Variants in GRIA3 observed in about 807,000 individuals in gnomAD.
GRIA3 encodes glutamate ionotropic receptor AMPA type subunit 3.
A neutral mutation model predicts 63.0 loss-of-function variants in GRIA3; 3 were observed. That is an observed-to-expected ratio of 0.05 (90% CI 0.02 to 0.12). GRIA3 has a LOEUF of 0.12. Ranked by LOEUF, GRIA3 falls within the 10% of genes least tolerant of loss-of-function variation. GRIA3 has a pLI of 1.00. For missense variants in GRIA3, 347 were observed against 700.9 expected, an observed-to-expected ratio of 0.50 and a Z score of 5.70; for synonymous variants, 274 against 257.9, an observed-to-expected ratio of 1.06 and a Z score of -0.60.
At chrX:123,230,711 C>T (rs2044271613) in intron 2 of GRIA3, among the ~76,000 whole-genome samples, 1 of 111,839 alleles carries the variant, frequency 8.9e-6, no homozygotes, top group Non-Finnish European at 1.9e-5. Flanking sequence ...ATTTTGAACA[C>T]CTACTCTGAA....
At chrX:123,374,176 T>C (rs1304172801) in intron 5 of GRIA3, among the ~76,000 whole-genome samples, 17 of 111,473 alleles carry the variant, frequency 1.5e-4, no homozygotes, top group Non-Finnish European at 3.0e-4. Context: ...AGATGTGTGG[T>C]GTTACTTCTG....
chrX:123,448,102 G>A (rs1014281470), intron 12 of GRIA3, among the ~76,000 whole-genome samples: 3 of 112,112 alleles, frequency 2.7e-5, no homozygotes, highest in African/African-American at 9.7e-5. Flanking sequence ...TCTTCTATCT[G>A]CTCTTTTTGA....
intron 5 of GRIA3, among the ~76,000 whole-genome samples, chrX:123,389,414 G>C (rs1237353587): frequency 9.0e-6 from 1 of 111,601 alleles, no homozygotes; most frequent in African/African-American, 3.3e-5. Context: ...TATATGTTTA[G>C]AATTGCTATA....
At chrX:123,357,409 T>C (rs16997329) in intron 5 of GRIA3, among the ~76,000 whole-genome samples, 3,341 of 108,277 alleles carry the variant, frequency 0.031, 144 homozygotes, top group African/African-American at 0.11. Context: ...GGTCTCCTTA[T>C]TTCTACTGAC....
intron 3 of GRIA3, among the ~76,000 whole-genome samples, chrX:123,303,929 A>AG (rs775389031): frequency 9.0e-4 from 99 of 110,381 alleles, no homozygotes; most frequent in Non-Finnish European, 1.5e-3. Flanking sequence ...TAGAGATTTT[A>AG]GGAAAAAAAA....
intron 5 of GRIA3, among the ~76,000 whole-genome samples, chrX:123,382,343 C>T (rs1440217527): frequency 1.8e-5 from 2 of 111,283 alleles, no homozygotes; most frequent in Admixed American, 9.6e-5. Flanking sequence ...ATGACCTCCC[C>T]CTGGTTTAAT....
chrX:123,440,043 G>A (rs1425289600), intron 12 of GRIA3, among the ~76,000 whole-genome samples: 1 of 111,767 alleles, frequency 8.9e-6, no homozygotes, highest in African/African-American at 3.3e-5. Context: ...GGGAACACAT[G>A]GTATGTGGTT....
At chrX:123,185,045 C>T (rs1927221229) in intron 1 of GRIA3, 1 of 330,852 alleles carries the variant, frequency 3.0e-6, no homozygotes, top group Admixed American at 3.1e-5. Context: ...TGCCGACTGT[C>T]TGGCCGCGCC....
intron 2 of GRIA3, among the ~76,000 whole-genome samples, chrX:123,207,110 C>G (rs1421711335): frequency 9.1e-6 from 1 of 109,355 alleles, no homozygotes; most frequent in Non-Finnish European, 1.9e-5. Context: ...GACGAAGGGA[C>G]CACGGTGATG....
At chrX:123,297,487 A>G (rs777456109) in intron 3 of GRIA3, among the ~76,000 whole-genome samples, 1 of 112,158 alleles carries the variant, frequency 8.9e-6, no homozygotes, top group South Asian at 3.6e-4. Context: ...ATAATTTACT[A>G]ATCAGTACTT....
At position 123,403,483 on chromosome X, in the gene GRIA3, C is replaced by T; in HGVS notation, c.1257C>T (p.Ser419=). ...AGCAAATCAGCAATGACAGTGCATCCTCAGAGAATCGGACCATAGTAGTGA... is the reference window on the plus strand; with the variant it reads ...AGCAAATCAGCAATGACAGTGCATCTTCAGAGAATCGGACCATAGTAGTGA... ...SDQQISNDSA[S]SENRTIVVTT... The change falls in exon 9 of 16, where the codon TCC becomes TCT. Residue 419 remains serine, a synonymous_variant. Transcript: ENST00000620443. The T allele has an allele frequency of 8.5e-7, 1 of 1,182,676 alleles. No individual in the cohort carries two copies. Among genetic ancestry groups the T allele is most frequent in the African/African-American group, 1.7e-5 (1 of 57,227 alleles).
At position 123,404,794 on chromosome X, in the gene GRIA3, T is replaced by C. The variant is rs1319710681; in HGVS notation, c.1380T>C (p.Tyr460=). Residue 460 remains tyrosine, a synonymous_variant, in exon 10 of 16, where the codon TAT becomes TAC. Transcript: ENST00000620443. ...RYEGYCVDLA[Y]EIAKHVRIKY... ...AAGGCTATTGTGTAGACCTAGCCTA[T>C]GAAATAGCCAAACATGTAAGGATCA... is the stretch of plus-strand genomic sequence containing the variant. The C allele has an allele frequency of 3.3e-6, 4 of 1,197,628 alleles. No homozygotes were observed. The African/African-American group carries it at 7.0e-5, about 21-fold the overall frequency.
intron 3 of GRIA3, among the ~76,000 whole-genome samples, chrX:123,309,747 C>T (rs759896251): frequency 6.7e-4 from 75 of 111,854 alleles, no homozygotes; most frequent in Admixed American, 2.6e-3. Flanking sequence ...GGGCCCCACA[C>T]CTACATTTCC....
chrX:123,223,595 G>A (rs918483567), intron 2 of GRIA3, among the ~76,000 whole-genome samples: 7 of 111,983 alleles, frequency 6.3e-5, no homozygotes, highest in African/African-American at 1.9e-4. Flanking sequence ...TCTGAAGAAC[G>A]GTGTGAACAT....
chrX:123,280,056 T>C (rs971702196), intron 3 of GRIA3, among the ~76,000 whole-genome samples: 2 of 112,171 alleles, frequency 1.8e-5, no homozygotes, highest in African/African-American at 6.5e-5. Flanking sequence ...AACTGAAAGT[T>C]TGAAGGATTG....
intron 15 of GRIA3, among the ~76,000 whole-genome samples, chrX:123,486,541 G>C (rs1263508799): frequency 8.9e-6 from 1 of 112,158 alleles, no homozygotes; most frequent in East Asian, 2.8e-4. Context: ...AGAAGCAAAA[G>C]CCTCATACGA....
At chrX:123,218,866 T>C (rs971880059) in intron 2 of GRIA3, among the ~76,000 whole-genome samples, 1 of 112,202 alleles carries the variant, frequency 8.9e-6, no homozygotes, top group African/African-American at 3.2e-5. Context: ...AGTTGTCTGC[T>C]TTCCAAAGTG....
At chrX:123,482,519 G>A (rs993950835) in intron 14 of GRIA3, among the ~76,000 whole-genome samples, 2 of 111,830 alleles carry the variant, frequency 1.8e-5, no homozygotes, top group Non-Finnish European at 3.8e-5. Flanking sequence ...GCCAAGTGCT[G>A]TTTTATTAAT....
chrX:123,355,737 C>T (rs2045128286), intron 5 of GRIA3, among the ~76,000 whole-genome samples: 1 of 111,211 alleles, frequency 9.0e-6, no homozygotes, highest in Non-Finnish European at 1.9e-5. Context: ...TTCATTAGCA[C>T]AAGAAAATCA....
Sources: allele counts gnomAD v4.1 joint callset (sites outside exome capture counted in the v4.1 genomes callset), GRCh38; gene constraint gnomAD v4.1.1; transcripts MANE v1.5; gene names NCBI Gene and HGNC (gene_info 2026-07-23, HGNC 2026-07-21).